NEGR1: variants seen among roughly 807,000 people sequenced by gnomAD.
The protein encoded by NEGR1 is neuronal growth regulator 1.
In NEGR1, 10 loss-of-function variants were observed where a neutral mutation model predicts 40.9. The observed-to-expected ratio is 0.24, with a 90% CI of 0.15 to 0.42. NEGR1 has a LOEUF of 0.42. Ranked by LOEUF, NEGR1 falls within the 10% of genes least tolerant of loss-of-function variation. The pLI, the probability that NEGR1 is intolerant of heterozygous loss-of-function variation, is 1.00. For missense variants in NEGR1, 352 were observed against 438.9 expected (o/e 0.80, Z 1.77); for synonymous variants, 185 against 166.8 (o/e 1.11, Z -0.84).
Position 71,444,247 on chromosome 1 carries a change from T to G in NEGR1, c.941-36677A>C, listed in dbSNP as rs557236604. On this transcript the variant is annotated intron_variant, in intron 6 of 6. Transcript: ENST00000357731. ...ACCAGAAAATATTTTTAAAAAAGCC[T>G]TATCATTTCAGCCTATTTTAAAAGG... 4.6e-5 allele frequency among the ~76,000 whole-genome samples: 7 copies of G among 152,324 alleles called. No individual in the cohort carries two copies. In the South Asian group the frequency reaches 1.4e-3, roughly 32 times the overall value.
intron 4 of NEGR1, among the ~76,000 whole-genome samples, chr1:71,645,162 T>A (rs1389127711): frequency 6.6e-6 from 1 of 151,994 alleles, no homozygotes; most frequent in Non-Finnish European, 1.5e-5. Context: ...TTTTTTCAGT[T>A]CTAGGAGATA....
intron 6 of NEGR1, among the ~76,000 whole-genome samples, chr1:71,442,831 C>T (rs116318490): frequency 6.6e-6 from 1 of 152,124 alleles, no homozygotes; most frequent in Non-Finnish European, 1.5e-5. Context: ...TGACTTTGAT[C>T]GTTTGACAGA....
intron 5 of NEGR1, among the ~76,000 whole-genome samples, chr1:71,601,265 A>G (rs1468361080): frequency 6.6e-6 from 1 of 152,224 alleles, no homozygotes; most frequent in African/African-American, 2.4e-5. Flanking sequence ...AACCACAATG[A>G]AATACCACCT....
intron 1 of NEGR1, among the ~76,000 whole-genome samples, chr1:72,182,545 C>T (rs559647453): frequency 6.6e-6 from 1 of 151,994 alleles, no homozygotes; most frequent in African/African-American, 2.4e-5. Flanking sequence ...TTTATATTTC[C>T]ATTTTGGGTC....
At chr1:72,030,043 CTTACAGCT>C in intron 1 of NEGR1, among the ~76,000 whole-genome samples, 1 of 145,564 alleles carries the variant, frequency 6.9e-6, no homozygotes, top group East Asian at 2.0e-4. Flanking sequence ...AAAAAAAAAT[CTTACAGCT>C]TTGCAAACAG....
rs548779304 is a variant in NEGR1, at chr1:72,024,792, T to C, written c.177-89481A>G. 1.5e-4 allele frequency among the ~76,000 whole-genome samples: 23 copies of C among 152,316 alleles called. 1 individual carries two copies. Among genetic ancestry groups the C allele is most frequent in the African/African-American group, 5.5e-4 (23 of 41,574 alleles). The stretch of plus-strand genomic sequence containing the variant: ...TCATTATTGTGAAACGTGAGAATGC[T>C]TCAAGCTCCCTAAACCTGACGATTA... On this transcript the variant is annotated intron_variant, in intron 1 of 6. Transcript: ENST00000357731.
At chr1:72,262,021 A>G (rs966749562) in intron 1 of NEGR1, among the ~76,000 whole-genome samples, 4 of 152,036 alleles carry the variant, frequency 2.6e-5, no homozygotes, top group Non-Finnish European at 5.9e-5. Context: ...TTTGTTTTAA[A>G]AAGAAGGGAA....
intron 2 of NEGR1, among the ~76,000 whole-genome samples, chr1:71,809,022 T>C (rs1486742908): frequency 6.6e-6 from 1 of 152,186 alleles, no homozygotes; most frequent in African/African-American, 2.4e-5. Flanking sequence ...GCATTGTGAT[T>C]GAGAAGCATC....
In NEGR1 at chr1:71,469,754, C is replaced by G. The variant is rs113909718; in HGVS notation, c.941-62184G>C. On this transcript the variant is annotated intron_variant, in intron 6 of 6. Coordinates refer to ENST00000357731, the MANE Select transcript of NEGR1 (RefSeq NM_173808.3). ...TGGTGAAAATGTAGATATTAAAATA[C>G]ATTAATTTTTGTGTCCCCAAATTAT... 6.0e-4 allele frequency among the ~76,000 whole-genome samples: 92 copies of G among 152,112 alleles called. 1 individual carries two copies. The highest frequency in any genetic ancestry group is 2.1e-3 in the African/African-American group (89 of 41,540).
At chr1:71,415,437 T>A (rs1646349157) in intron 6 of NEGR1, among the ~76,000 whole-genome samples, 1 of 152,070 alleles carries the variant, frequency 6.6e-6, no homozygotes, top group Admixed American at 6.6e-5. Flanking sequence ...TATACCCTCC[T>A]ATCTACTCAG....
intron 1 of NEGR1, among the ~76,000 whole-genome samples, chr1:72,041,958 T>TAATA (rs1187951630): frequency 2.2e-5 from 3 of 137,684 alleles, no homozygotes; most frequent in Non-Finnish European, 4.7e-5. Flanking sequence ...CTCAAATATA[T>TAATA]ATTATATATA....
intron 2 of NEGR1, among the ~76,000 whole-genome samples, chr1:71,818,434 GA>G (rs1658307922): frequency 6.6e-6 from 1 of 151,954 alleles, no homozygotes; most frequent in Admixed American, 6.6e-5. Flanking sequence ...TGCAGGAACA[GA>G]AAACCAAATA....
At chr1:71,735,090 C>G (rs751638686) in intron 3 of NEGR1, among the ~76,000 whole-genome samples, 18 of 152,052 alleles carry the variant, frequency 1.2e-4, no homozygotes, top group Non-Finnish European at 4.4e-5. Flanking sequence ...TCTTAATTTT[C>G]AGTTACCAGT....
chr1:71,488,533 T>A (rs962604055), intron 6 of NEGR1, among the ~76,000 whole-genome samples: 6 of 151,822 alleles, frequency 4.0e-5, no homozygotes, highest in Admixed American at 3.3e-4. Flanking sequence ...TTCAAAGTTA[T>A]CATTCCATTT....
chr1:71,560,353 T>C (rs1291946361), intron 6 of NEGR1, among the ~76,000 whole-genome samples: 1 of 148,604 alleles, frequency 6.7e-6, no homozygotes, highest in African/African-American at 2.5e-5. Flanking sequence ...TTTGGTGCTA[T>C]CAGGAGAGAA....
In NEGR1 at chr1:72,111,121, T is replaced by TAC. The variant is rs374834258; in HGVS notation, c.176+171196_176+171197dup. On this transcript the variant is annotated intron_variant, in intron 1 of 6. Coordinates refer to ENST00000357731, the MANE Select transcript of NEGR1 (RefSeq NM_173808.3). Reference sequence around the variant, plus strand: ...ACACACACACACACACGTATATATATACACACACACACACATGCAGATTTC... The same window carrying TAC: ...ACACACACACACACACGTATATATATACACACACACACACACATGCAGATTTC... Among the ~76,000 whole-genome samples, 794 of 149,540 alleles carry TAC rather than the reference T, an allele frequency of 5.3e-3. 21 individuals carry two copies. In the South Asian group the frequency reaches 0.07, roughly 13 times the overall value.
chr1:72,147,709 T>C (rs1162889642), intron 1 of NEGR1, among the ~76,000 whole-genome samples: 2 of 152,078 alleles, frequency 1.3e-5, no homozygotes, highest in South Asian at 2.1e-4. Context: ...AAAAGCAAGG[T>C]ACTTACTTCC....
At chr1:71,855,716 G>A (rs1659738243) in intron 2 of NEGR1, among the ~76,000 whole-genome samples, 1 of 151,512 alleles carries the variant, frequency 6.6e-6, no homozygotes, top group Admixed American at 6.6e-5. Flanking sequence ...CTTTTAAGGT[G>A]CTCAAAGCAT....
At chr1:72,101,692 A>T (rs1228870823) in intron 1 of NEGR1, among the ~76,000 whole-genome samples, 3 of 152,048 alleles carry the variant, frequency 2.0e-5, no homozygotes, top group Admixed American at 1.3e-4. Context: ...CATAACTGAG[A>T]CCTTTGTCTC....
Sources: gnomAD v4.1 joint callset for allele counts (sites outside exome capture counted in the v4.1 genomes callset) on GRCh38, gnomAD v4.1.1 for gene constraint, MANE v1.5 for transcripts, NCBI Gene and HGNC (gene_info 2026-07-23, HGNC 2026-07-21) for gene names.